Variants in ZNF385D observed in about 807,000 individuals in gnomAD.
The protein encoded by ZNF385D is zinc finger protein 385D, also known as zinc finger protein 659.
Under a neutral mutation model 35.8 loss-of-function variants are expected in ZNF385D, and 15 were observed. That is an observed-to-expected ratio of 0.42 (90% CI 0.28 to 0.64). ZNF385D has a LOEUF of 0.64. ZNF385D is among the 30% of genes least tolerant of loss of function. The probability of loss-of-function intolerance (pLI) is 0.23; values close to 1 mark genes in which losing one functional copy is unlikely to be tolerated. For synonymous variants in ZNF385D, 212 were observed against 186.8 expected (o/e 1.13, Z -1.10); for missense variants, 474 against 494.6 (o/e 0.96, Z 0.39).
intron 3 of ZNF385D, among the ~76,000 whole-genome samples, chr3:22,149,600 G>A (rs184362261): frequency 1.3e-5 from 2 of 152,258 alleles, no homozygotes; most frequent in East Asian, 3.9e-4. Flanking sequence ...GACCATAGAG[G>A]TATGAAACAC....
intron 3 of ZNF385D, among the ~76,000 whole-genome samples, chr3:21,873,822 T>G (rs1697821903): frequency 6.6e-6 from 1 of 152,134 alleles, no homozygotes. Flanking sequence ...TTCCTTCTTT[T>G]GAATGGCCAA....
At chr3:21,914,277 T>C (rs1428860848) in intron 3 of ZNF385D, among the ~76,000 whole-genome samples, 1 of 152,086 alleles carries the variant, frequency 6.6e-6, no homozygotes, top group Non-Finnish European at 1.5e-5. Context: ...CTTATATTTT[T>C]TAGCTAAATC....
intron 3 of ZNF385D, among the ~76,000 whole-genome samples, chr3:21,949,554 C>CTTTCTTTTTTTTTTTTTTTT (rs1701960810): frequency 8.9e-6 from 1 of 112,914 alleles, no homozygotes. Context: ...TTCTTTCTTT[C>CTTTCTTTTTTTTTTTTTTTT]TTTTTTTTTT....
rs528766600 is a variant in ZNF385D at position 21,931,982 on chromosome 3, A to G, written c.325+236835T>C. On this transcript the variant is annotated intron_variant, in intron 3 of 5. Coordinates refer to the ZNF385D transcript ENST00000494108. ...CAAGATCGAGACCATCCTGGCTAACACGGTGAAACCCCGTCTCTACTAAAA... is the reference window on the plus strand; with the variant it reads ...CAAGATCGAGACCATCCTGGCTAACGCGGTGAAACCCCGTCTCTACTAAAA... Among the ~76,000 whole-genome samples the G allele has an allele frequency of 2.8e-4, 42 of 151,980 alleles. 1 individual carries two copies. The South Asian group carries it at 6.5e-3, about 23-fold the overall frequency.
At position 21,417,246 on chromosome 3, in the gene ZNF385D, A is replaced by ACCAGC. The variant is rs1264945026; in HGVS notation, c.*3963_*3967dup. 6.6e-6 allele frequency: 1 copy of ACCAGC among 152,108 alleles called. No homozygotes were observed. Among genetic ancestry groups the ACCAGC allele is most frequent in the Non-Finnish European group, 1.5e-5 (1 of 67,976 alleles). 9.4% of individuals were successfully genotyped at this position (152,108 alleles called of 1,614,324 possible). On this transcript the variant is annotated 3_prime_UTR_variant, in exon 8 of 8. Transcript: ENST00000281523. Reference sequence around the variant, plus strand: ...TGCCCCTCTAGTGCTGATGTATTAAACCAGCTTAGCTATTAATCACTGTCA... The same window carrying ACCAGC: ...TGCCCCTCTAGTGCTGATGTATTAAACCAGCCCAGCTTAGCTATTAATCACTGTCA...
chr3:21,648,162 G>A (rs1254654971), intron 2 of ZNF385D, among the ~76,000 whole-genome samples: 1 of 152,140 alleles, frequency 6.6e-6, no homozygotes, highest in Non-Finnish European at 1.5e-5. Flanking sequence ...GAGACCCAGT[G>A]GGAGTTGATT....
chr3:21,938,456 G>T (rs572508198), intron 3 of ZNF385D, among the ~76,000 whole-genome samples: 1 of 152,242 alleles, frequency 6.6e-6, no homozygotes, highest in African/African-American at 2.4e-5. Context: ...GCAATTATTG[G>T]CCTACCCACA....
At chr3:22,340,018 C>T (rs982556863) in intron 2 of ZNF385D, among the ~76,000 whole-genome samples, 1 of 152,076 alleles carries the variant, frequency 6.6e-6, no homozygotes, top group Admixed American at 6.6e-5. Context: ...ATACTTATTC[C>T]CCTCTTTGCT....
intron 4 of ZNF385D, among the ~76,000 whole-genome samples, chr3:21,443,489 A>G (rs1028732079): frequency 2.6e-5 from 4 of 152,226 alleles, no homozygotes; most frequent in Non-Finnish European, 5.9e-5. Flanking sequence ...TAAATGCAAT[A>G]TAAGTTGTAT....
At chr3:21,995,833 G>A (rs1423870523) in intron 3 of ZNF385D, among the ~76,000 whole-genome samples, 1 of 151,908 alleles carries the variant, frequency 6.6e-6, no homozygotes, top group Admixed American at 6.6e-5. Flanking sequence ...TGTCAGCATC[G>A]CCAGGCAAGC....
intron 2 of ZNF385D, among the ~76,000 whole-genome samples, chr3:22,214,697 C>T (rs183462824): frequency 2.4e-4 from 36 of 152,040 alleles, no homozygotes; most frequent in East Asian, 9.7e-4. Flanking sequence ...CTTATTAGGA[C>T]GAGGAAATTC....
At chr3:22,104,935 C>T (rs1412032708) in intron 3 of ZNF385D, among the ~76,000 whole-genome samples, 1 of 152,126 alleles carries the variant, frequency 6.6e-6, no homozygotes, top group Non-Finnish European at 1.5e-5. Context: ...CAATGTTTTA[C>T]TGAAGCTTGT....
intron 3 of ZNF385D, among the ~76,000 whole-genome samples, chr3:21,519,120 G>GA (rs1204761195): frequency 6.6e-6 from 1 of 151,404 alleles, no homozygotes; most frequent in Admixed American, 6.6e-5. Context: ...TACGGGAATA[G>GA]AAAAAAAGGG....
chr3:21,648,231 TC>T (rs1347315392), intron 2 of ZNF385D, among the ~76,000 whole-genome samples: 2 of 152,254 alleles, frequency 1.3e-5, no homozygotes, highest in South Asian at 4.1e-4. Flanking sequence ...TCTCATGAGA[TC>T]TGATGATCAT....
chr3:22,339,777 G>T (rs1695338630), intron 2 of ZNF385D, among the ~76,000 whole-genome samples: 1 of 152,220 alleles, frequency 6.6e-6, no homozygotes, highest in East Asian at 1.9e-4. Flanking sequence ...CACCAAAAAT[G>T]TCACTAATCA....
rs980794440 is a variant in ZNF385D, at chr3:21,418,572, C to G, written c.*2642G>C. 2 of 152,274 alleles carry G rather than the reference C, an allele frequency of 1.3e-5. No individual in the cohort carries two copies. The highest frequency in any genetic ancestry group is 2.9e-5 in the Non-Finnish European group (2 of 68,024). 9.4% of individuals were successfully genotyped at this position (152,274 alleles called of 1,614,324 possible). On this transcript the variant is annotated 3_prime_UTR_variant, in exon 8 of 8. Transcript: ENST00000281523. ...GGTATTTCTGAGATTTCTTATATGG[C>G]TGATGGAGAAAATATGGCTGATTCG...
chr3:21,866,617 C>A (rs1275925516), intron 3 of ZNF385D, among the ~76,000 whole-genome samples: 1 of 152,192 alleles, frequency 6.6e-6, no homozygotes, highest in African/African-American at 2.4e-5. Context: ...CCCAAGACAT[C>A]TGCATTTTCA....
chr3:21,984,738 T>C (rs1694709772), intron 3 of ZNF385D, among the ~76,000 whole-genome samples: 1 of 121,272 alleles, frequency 8.2e-6, no homozygotes, highest in Non-Finnish European at 1.8e-5. Context: ...TGGCATTGAA[T>C]CTATAAATTA....
intron 3 of ZNF385D, among the ~76,000 whole-genome samples, chr3:22,114,200 T>A (rs1317837792): frequency 6.6e-6 from 1 of 152,094 alleles, no homozygotes; most frequent in Non-Finnish European, 1.5e-5. Flanking sequence ...ATTGTTTGTA[T>A]GCTTACTTCT....
Sources: gnomAD v4.1 joint callset for allele counts (sites outside exome capture counted in the v4.1 genomes callset) on GRCh38, gnomAD v4.1.1 for gene constraint, MANE v1.5 for transcripts, NCBI Gene and HGNC (gene_info 2026-07-23, HGNC 2026-07-21) for gene names.